The following RANBP2 variants were observed in gnomAD, a reference collection of about 807,000 sequenced individuals.
RANBP2 encodes the protein RAN binding protein 2, also known as E3 SUMO-protein ligase RanBP2.
A neutral mutation model predicts 303.6 loss-of-function variants in RANBP2; 57 were observed. That is an observed-to-expected ratio of 0.19 (90% CI 0.15 to 0.23). The LOEUF is 0.23. Among genes scored for constraint, RANBP2 ranks in the 10% least tolerant of loss-of-function variants. RANBP2 has a pLI of 1.00. For missense variants in RANBP2, 3,138 were observed against 3,780.8 expected (o/e 0.83, Z 4.46); for synonymous variants, 1,167 against 1,301.5 (o/e 0.90, Z 2.23).
the RANBP2 span, among the ~76,000 whole-genome samples, chr2:109,430,256 C>T: frequency 6.6e-6 from 1 of 152,234 alleles, no homozygotes; most frequent in South Asian, 2.1e-4. Context: ...ACTGTTTTGA[C>T]ACCATAAAGC....
the RANBP2 span, among the ~76,000 whole-genome samples, chr2:109,165,066 C>T: frequency 5.9e-4 from 90 of 152,282 alleles, 1 homozygote; most frequent in East Asian, 7.9e-3. Context: ...TGGCAGTGGG[C>T]CTGGACAGAA....
At chr2:108,977,368 A>T in the RANBP2 span, among the ~76,000 whole-genome samples, 1 of 152,146 alleles carries the variant, frequency 6.6e-6, no homozygotes, top group Non-Finnish European at 1.5e-5. Flanking sequence ...TCCCGGGTTC[A>T]CGCCATTCTC....
chr2:109,318,045 T>C, the RANBP2 span, among the ~76,000 whole-genome samples: 1 of 151,530 alleles, frequency 6.6e-6, no homozygotes, highest in East Asian at 2.0e-4. Flanking sequence ...AGGATCATCG[T>C]GATCCTTTCT....
At chr2:109,450,495 T>C in the RANBP2 span, among the ~76,000 whole-genome samples, 3 of 152,238 alleles carry the variant, frequency 2.0e-5, no homozygotes, top group Non-Finnish European at 2.9e-5. Flanking sequence ...TCAAATCTAA[T>C]TTTAAATTTT....
At chr2:108,849,547 T>A in the RANBP2 span, among the ~76,000 whole-genome samples, 2 of 152,122 alleles carry the variant, frequency 1.3e-5, no homozygotes, top group African/African-American at 4.8e-5. Flanking sequence ...CTGACACGTC[T>A]CCCTGCCTTC....
the RANBP2 span, among the ~76,000 whole-genome samples, chr2:109,629,320 T>G: frequency 0.076 from 292 of 3,818 alleles, 13 homozygotes; most frequent in Non-Finnish European, 0.16. Context: ...TATATATATA[T>G]ATATATATAT....
At chr2:109,542,504 A>G in the RANBP2 span, among the ~76,000 whole-genome samples, 1 of 152,234 alleles carries the variant, frequency 6.6e-6, no homozygotes, top group Non-Finnish European at 1.5e-5. Flanking sequence ...CTTTATAAAC[A>G]GTATGGTCAA....
chr2:109,087,953 T>C, the RANBP2 span, among the ~76,000 whole-genome samples: 1 of 152,170 alleles, frequency 6.6e-6, no homozygotes, highest in Non-Finnish European at 1.5e-5. Context: ...TTGAGCAACT[T>C]GTCTAATGCC....
At chr2:109,424,107 G>A in the RANBP2 span, among the ~76,000 whole-genome samples, 1 of 152,218 alleles carries the variant, frequency 6.6e-6, no homozygotes, top group Non-Finnish European at 1.5e-5. Flanking sequence ...CCTGGAGGCA[G>A]GCCCTGAGAT....
chr2:109,189,680 A>G, the RANBP2 span, among the ~76,000 whole-genome samples: 3 of 152,092 alleles, frequency 2.0e-5, no homozygotes, highest in Non-Finnish European at 4.4e-5. Flanking sequence ...AATTTAATGT[A>G]TTGTGTAATA....
At chr2:109,440,310 C>T in the RANBP2 span, among the ~76,000 whole-genome samples, 3 of 152,090 alleles carry the variant, frequency 2.0e-5, no homozygotes, top group African/African-American at 4.8e-5. Context: ...GCTCTTGGGC[C>T]GCCGAGGCCA....
chr2:109,703,612 A>C, the RANBP2 span, among the ~76,000 whole-genome samples: 1,387 of 152,160 alleles, frequency 9.1e-3, 24 homozygotes, highest in African/African-American at 0.031. Flanking sequence ...TATTTTTAGT[A>C]GAGATGAGGT....
chr2:108,956,529 A>G, the RANBP2 span, among the ~76,000 whole-genome samples: 1 of 152,190 alleles, frequency 6.6e-6, no homozygotes, highest in African/African-American at 2.4e-5. Context: ...AAGAAACTAC[A>G]CATGGCATTG....
At chr2:108,937,717 ATGTG>A in the RANBP2 span, among the ~76,000 whole-genome samples, 3 of 151,130 alleles carry the variant, frequency 2.0e-5, no homozygotes, top group Non-Finnish European at 4.4e-5. Flanking sequence ...ATGTGTGTGT[ATGTG>A]TGTGTGTATC....
the RANBP2 span, among the ~76,000 whole-genome samples, chr2:109,304,680 C>T: frequency 6.6e-5 from 10 of 152,168 alleles, no homozygotes; most frequent in Admixed American, 6.6e-5. Flanking sequence ...TTGATTTCTC[C>T]GTCTCACTAG....
chr2:109,337,942 G>A, the RANBP2 span, among the ~76,000 whole-genome samples: 23 of 151,786 alleles, frequency 1.5e-4, no homozygotes, highest in Non-Finnish European at 1.9e-4. Flanking sequence ...ACGTTACCCC[G>A]GCTGGTCTGG....
At chr2:109,198,433 G>GGGTACCCT in the RANBP2 span, among the ~76,000 whole-genome samples, 4 of 152,190 alleles carry the variant, frequency 2.6e-5, no homozygotes, top group Non-Finnish European at 5.9e-5. Flanking sequence ...GCTACCTCTT[G>GGGTACCCT]GGTACCCTGC....
At chr2:109,368,628 CTT>C in the RANBP2 span, among the ~76,000 whole-genome samples, 2 of 147,040 alleles carry the variant, frequency 1.4e-5, no homozygotes, top group Non-Finnish European at 3.0e-5. Flanking sequence ...ATTTATACTT[CTT>C]GTCTTATTTT....
chr2:109,365,086 A>G, the RANBP2 span, among the ~76,000 whole-genome samples: 1 of 151,864 alleles, frequency 6.6e-6, no homozygotes, highest in Admixed American at 6.6e-5. Flanking sequence ...AAAACATCCC[A>G]ATGGGTGAGG....
Sources: allele counts gnomAD v4.1 joint callset (sites outside exome capture counted in the v4.1 genomes callset), GRCh38; gene constraint gnomAD v4.1.1; transcripts MANE v1.5; gene names NCBI Gene and HGNC (gene_info 2026-07-23, HGNC 2026-07-21).